Variants in PCSK2 observed in about 807,000 individuals in gnomAD.
PCSK2 encodes the protein proprotein convertase subtilisin/kexin type 2.
PCSK2 carries 14 observed loss-of-function variants against 69.7 expected under a neutral mutation model. The ratio of observed to expected loss-of-function variants is 0.20; its 90% CI spans 0.13 to 0.31. PCSK2 has a LOEUF of 0.31. Ranked by LOEUF, PCSK2 falls within the 10% of genes least tolerant of loss-of-function variation. The probability of loss-of-function intolerance (pLI) is 1.00; values close to 1 mark genes in which losing one functional copy is unlikely to be tolerated. For missense variants in PCSK2, 544 were observed against 842.5 expected (o/e 0.65, Z 4.39); for synonymous variants, 307 against 320.7 (o/e 0.96, Z 0.46).
intron 1 of PCSK2, among the ~76,000 whole-genome samples, chr20:17,228,936 C>G (rs6105731): frequency 0.017 from 2,560 of 152,250 alleles, 30 homozygotes; most frequent in Non-Finnish European, 0.024. Context: ...AAGGCGCCGG[C>G]GGAGGGAGCA....
chr20:17,449,545 T>TATATATA (rs1394693452), intron 8 of PCSK2, among the ~76,000 whole-genome samples: 1 of 149,794 alleles, frequency 6.7e-6, no homozygotes, highest in Non-Finnish European at 1.5e-5. Context: ...TATATGTATA[T>TATATATA]TTGAGACTGA....
rs78011284 is a variant in PCSK2, at chr20:17,349,484, G to A, written c.283-8843G>A. Among the ~76,000 whole-genome samples, 891 of 152,248 alleles carry A rather than the reference G, an allele frequency of 5.9e-3. 9 individuals are homozygous for A. Among genetic ancestry groups the A allele is most frequent in the African/African-American group, 0.02 (845 of 41,550 alleles). On this transcript the variant is annotated intron_variant, in intron 2 of 11. Transcript: ENST00000262545. ...CACTATCTGGTGCCCAGCTCTGTGA[G>A]CACACCCCAGAAATGCCTCAGATCC...
intron 2 of PCSK2, among the ~76,000 whole-genome samples, chr20:17,311,026 A>T (rs1989492913): frequency 6.7e-6 from 1 of 150,342 alleles, no homozygotes; most frequent in Non-Finnish European, 1.5e-5. Context: ...AAATCATGGA[A>T]AAAGTGAATA....
At chr20:17,465,079 T>C (rs2033077204) in intron 10 of PCSK2, 3 of 536,142 alleles carry the variant, frequency 5.6e-6, no homozygotes. Context: ...CCGGTGTGTG[T>C]GTTAGAATAG....
intron 10 of PCSK2, among the ~76,000 whole-genome samples, chr20:17,456,713 C>T (rs1271383344): frequency 3.3e-5 from 5 of 152,232 alleles, no homozygotes; most frequent in African/African-American, 9.6e-5. Flanking sequence ...GCAACTTACT[C>T]AGATACCCAG....
chr20:17,236,707 T>C (rs1393508304), intron 1 of PCSK2, among the ~76,000 whole-genome samples: 2 of 152,168 alleles, frequency 1.3e-5, no homozygotes, highest in Non-Finnish European at 2.9e-5. Flanking sequence ...TTTGAGTAGC[T>C]AGGTTTTACT....
chr20:17,311,002 A>G (rs1376707803), intron 2 of PCSK2, among the ~76,000 whole-genome samples: 2 of 21,784 alleles, frequency 9.2e-5, no homozygotes, highest in Non-Finnish European at 1.9e-4. Context: ...ACTCCGTCTC[A>G]AAAAAAAAAA....
intron 1 of PCSK2, among the ~76,000 whole-genome samples, chr20:17,256,711 T>C (rs1372501064): frequency 6.6e-6 from 1 of 152,018 alleles, no homozygotes; most frequent in Admixed American, 6.6e-5. Flanking sequence ...GCCATGGTGG[T>C]TTGCTGCACC....
chr20:17,343,324 T>C (rs750338577), intron 2 of PCSK2, among the ~76,000 whole-genome samples: 3 of 152,188 alleles, frequency 2.0e-5, no homozygotes, highest in Non-Finnish European at 4.4e-5. Context: ...AATTGGATGG[T>C]TTTAGTAGCT....
chr20:17,308,510 C>T (rs1342533583), intron 2 of PCSK2, among the ~76,000 whole-genome samples: 3 of 152,156 alleles, frequency 2.0e-5, no homozygotes, highest in Non-Finnish European at 4.4e-5. Flanking sequence ...AGAACAAATT[C>T]TCTGTGTTTT....
intron 8 of PCSK2, among the ~76,000 whole-genome samples, chr20:17,445,199 C>A (rs1410502545): frequency 6.6e-6 from 1 of 152,176 alleles, no homozygotes; most frequent in Non-Finnish European, 1.5e-5. Context: ...TGGGACACAG[C>A]ATCTTATTTT....
intron 5 of PCSK2, among the ~76,000 whole-genome samples, chr20:17,399,676 G>A (rs562599020): frequency 2.8e-4 from 42 of 152,260 alleles, no homozygotes; most frequent in African/African-American, 8.9e-4. Context: ...CAGTCCTGCC[G>A]TGCGATGCCA....
intron 5 of PCSK2, among the ~76,000 whole-genome samples, chr20:17,374,022 C>G (rs6080665): frequency 1.3e-5 from 2 of 152,002 alleles, no homozygotes; most frequent in African/African-American, 4.8e-5. Context: ...AGTCATGACA[C>G]GAAATGAGTA....
At chr20:17,242,901 G>A (rs1986634751) in intron 1 of PCSK2, among the ~76,000 whole-genome samples, 1 of 152,178 alleles carries the variant, frequency 6.6e-6, no homozygotes, top group African/African-American at 2.4e-5. Flanking sequence ...GTGTGAAATT[G>A]TCTTGCACTG....
At chr20:17,422,441 C>G (rs1285939718) in intron 6 of PCSK2, among the ~76,000 whole-genome samples, 1 of 152,040 alleles carries the variant, frequency 6.6e-6, no homozygotes, top group African/African-American at 2.4e-5. Flanking sequence ...GAGTGGCATA[C>G]TAAGCTCAGG....
chr20:17,342,349 T>C (rs1184812386), intron 2 of PCSK2, among the ~76,000 whole-genome samples: 1 of 152,176 alleles, frequency 6.6e-6, no homozygotes, highest in Non-Finnish European at 1.5e-5. Context: ...ACAGAGTCCT[T>C]CTCTGTCACC....
intron 8 of PCSK2, among the ~76,000 whole-genome samples, chr20:17,447,541 CAT>C (rs2032724043): frequency 6.6e-6 from 1 of 152,158 alleles, no homozygotes; most frequent in Non-Finnish European, 1.5e-5. Context: ...TGCTGGTAAA[CAT>C]ATAAACTGTT....
At chr20:17,456,287 T>G in intron 9 of PCSK2, 61 bp from the exon 10 acceptor site, 2 of 846,356 alleles carry the variant, frequency 2.4e-6, no homozygotes, top group Non-Finnish European at 2.0e-6. Flanking sequence ...CTGCTCCACA[T>G]TGTGCGGGGG....
At chr20:17,456,554 G>T (rs1338731338) in intron 10 of PCSK2, 106 bp downstream of exon 10, 4 of 689,580 alleles carry the variant, frequency 5.8e-6, no homozygotes, top group East Asian at 5.0e-5. Flanking sequence ...GATGTGAGAG[G>T]CCATGAATAG....
Sources: allele counts gnomAD v4.1 joint callset (sites outside exome capture counted in the v4.1 genomes callset), GRCh38; gene constraint gnomAD v4.1.1; transcripts MANE v1.5; gene names NCBI Gene and HGNC (gene_info 2026-07-23, HGNC 2026-07-21).